The following AMOTL1 variants were observed in gnomAD, a reference collection of about 807,000 sequenced individuals.
AMOTL1 encodes angiomotin-like protein 1.
In AMOTL1, 45 loss-of-function variants were observed where a neutral mutation model predicts 102.9. That is an observed-to-expected ratio of 0.44 (90% CI 0.34 to 0.56). The LOEUF (loss-of-function observed/expected upper bound fraction) is 0.56. AMOTL1 is among the 20% of genes least tolerant of loss of function. The probability of loss-of-function intolerance (pLI) is 0.01; values close to 1 mark genes in which losing one functional copy is unlikely to be tolerated. For missense variants in AMOTL1, 1,114 were observed against 1,225.6 expected (o/e 0.91, Z 1.36); for synonymous variants, 481 against 484.7 (o/e 0.99, Z 0.10).
chr11:94,744,316 G>C lies in AMOTL1; in HGVS notation c.136+3328G>C, dbSNP rs1950564421. Among the ~76,000 whole-genome samples, 4 of 152,338 alleles carry C rather than the reference G, an allele frequency of 2.6e-5. No individual in the cohort carries two copies. The South Asian group carries it at 8.3e-4, about 32-fold the overall frequency. On this transcript the variant is annotated intron_variant, in intron 3 of 4. Transcript: ENST00000299004. ...TTATTTTAAAGGATATAAATGAACA[G>C]CTGGATGAGGAGATGCAAAAGGTGA...
At chr11:94,788,969 C>T (rs1951237637) in intron 1 of AMOTL1, among the ~76,000 whole-genome samples, 1 of 152,074 alleles carries the variant, frequency 6.6e-6, no homozygotes, top group African/African-American at 2.4e-5. Flanking sequence ...GTTTAGAATT[C>T]AAGTTTGATG....
intron 6 of AMOTL1, among the ~76,000 whole-genome samples, chr11:94,834,524 G>A (rs1412079539): frequency 6.6e-6 from 1 of 152,076 alleles, no homozygotes; most frequent in Non-Finnish European, 1.5e-5. Context: ...CCCGGGAGGC[G>A]GGGCTTGCAG....
chr11:94,713,207 T>C (rs1199660133), intron 1 of AMOTL1, among the ~76,000 whole-genome samples: 1 of 151,880 alleles, frequency 6.6e-6, no homozygotes, highest in Non-Finnish European at 1.5e-5. Flanking sequence ...TTCTCTTCCA[T>C]TGATGTGCCT....
chr11:94,830,343 G>A, intron 5 of AMOTL1, 149 bp downstream of exon 5: 1 of 764,808 alleles, frequency 1.3e-6, no homozygotes, highest in Non-Finnish European at 1.9e-6. Flanking sequence ...GGGGAAGGGA[G>A]GAGGTGCTCA....
intron 1 of AMOTL1, among the ~76,000 whole-genome samples, chr11:94,710,601 T>C (rs1350138714): frequency 6.6e-6 from 1 of 152,220 alleles, no homozygotes; most frequent in African/African-American, 2.4e-5. Flanking sequence ...GTACTAATGA[T>C]ACTTTGTTGC....
intron 1 of AMOTL1, among the ~76,000 whole-genome samples, chr11:94,788,495 C>T (rs1951229928): frequency 6.6e-6 from 1 of 152,196 alleles, no homozygotes; most frequent in Non-Finnish European, 1.5e-5. Context: ...CCTCATTTTC[C>T]CTCCGGTTCA....
At chr11:94,711,172 A>G (rs2135428141) in intron 1 of AMOTL1, among the ~76,000 whole-genome samples, 1 of 152,272 alleles carries the variant, frequency 6.6e-6, no homozygotes, top group South Asian at 2.1e-4. Context: ...TAATTTTAAT[A>G]TATGAATTGA....
intron 9 of AMOTL1, 29 bp from the exon 10 acceptor site, chr11:94,864,706 T>C: frequency 6.2e-7 from 1 of 1,605,960 alleles, no homozygotes; most frequent in Non-Finnish European, 8.5e-7. Flanking sequence ...AGGTTTCCTA[T>C]GATCAAACGC....
upstream of AMOTL1, chr11:94,768,276 G>A (rs1950881943): frequency 2.4e-6 from 3 of 1,241,506 alleles, no homozygotes; most frequent in Non-Finnish European, 3.0e-6. Context: ...GGCGGGGGTG[G>A]AGTGTAGGGT....
chr11:94,767,586 A>G (rs1471623104), upstream of AMOTL1, among the ~76,000 whole-genome samples: 1 of 152,168 alleles, frequency 6.6e-6, no homozygotes, highest in African/African-American at 2.4e-5. Context: ...AGCTGCCCGG[A>G]AAAAGCCAGG....
chr11:94,815,338 T>G (rs936633077), intron 3 of AMOTL1, among the ~76,000 whole-genome samples: 3 of 151,640 alleles, frequency 2.0e-5, no homozygotes, highest in African/African-American at 7.3e-5. Context: ...CCTGAGTTAT[T>G]GGCAAAAACA....
intron 1 of AMOTL1, among the ~76,000 whole-genome samples, chr11:94,769,922 A>T (rs1295508399): frequency 6.6e-6 from 1 of 152,210 alleles, no homozygotes; most frequent in East Asian, 1.9e-4. Context: ...CTTTCGGCTA[A>T]CCAAAGCAGT....
intron 1 of AMOTL1, among the ~76,000 whole-genome samples, chr11:94,716,846 T>C (rs940853191): frequency 3.3e-5 from 5 of 152,206 alleles, no homozygotes; most frequent in Admixed American, 2.6e-4. Context: ...CTTGCCAGCA[T>C]GTGTGGGGTG....
At chr11:94,754,834 G>A (rs573390424) in intron 3 of AMOTL1, among the ~76,000 whole-genome samples, 1 of 152,252 alleles carries the variant, frequency 6.6e-6, no homozygotes, top group Admixed American at 6.5e-5. Flanking sequence ...GTATAAGTAT[G>A]TCCACTACAA....
At chr11:94,815,472 CAATT>C (rs1951749287) in intron 3 of AMOTL1, among the ~76,000 whole-genome samples, 6 of 152,046 alleles carry the variant, frequency 3.9e-5, no homozygotes, top group South Asian at 2.1e-4. Context: ...GTTGAAAAAA[CAATT>C]AGTTAGATAA....
At chr11:94,747,095 TC>T (rs1284904433) in intron 3 of AMOTL1, among the ~76,000 whole-genome samples, 3 of 152,144 alleles carry the variant, frequency 2.0e-5, no homozygotes, top group Admixed American at 2.0e-4. Flanking sequence ...TTTTTATCTT[TC>T]TTAAAACTTG....
rs1463837411 is a variant in AMOTL1, at chr11:94,875,903, ATCAT to A, written c.*5113_*5116del. ...CATACACTACAGATATAAGTGCATA[ATCAT>A]TCATATAAACATCTGGTAGGTATTC... On this transcript the variant is annotated 3_prime_UTR_variant, in exon 13 of 13. Coordinates refer to ENST00000433060, the MANE Select transcript of AMOTL1 (RefSeq NM_130847.3). The A allele has an allele frequency of 6.6e-6, 1 of 152,616 alleles. No homozygotes were observed. Among genetic ancestry groups the A allele is most frequent in the African/African-American group, 2.4e-5 (1 of 41,450 alleles). The allele number at this position is 152,616 out of a possible 1,614,324, so 9.5% of individuals were successfully genotyped here.
intron 1 of AMOTL1, among the ~76,000 whole-genome samples, chr11:94,786,493 AG>A (rs1251801458): frequency 5.6e-4 from 85 of 152,324 alleles, no homozygotes; most frequent in African/African-American, 1.9e-3. Context: ...GTGGGGGCTG[AG>A]GAGGAGGGGA....
In AMOTL1 at chr11:94,758,836, C is replaced by T. The variant is rs76787498; in HGVS notation, c.136+17848C>T. On this transcript the variant is annotated intron_variant, in intron 3 of 4. Transcript: ENST00000299004. ...CTCACTCCTTAACTTGACAGCAAAG[C>T]CCAGTATGTACAACTGTGTTGACTG... is the stretch of plus-strand genomic sequence containing the variant. 6.3e-3 allele frequency among the ~76,000 whole-genome samples: 956 copies of T among 152,260 alleles called. 2 individuals carry two copies. The highest frequency in any genetic ancestry group is 0.011 in the Non-Finnish European group (748 of 68,014).
Sources: gnomAD v4.1 joint callset for allele counts (sites outside exome capture counted in the v4.1 genomes callset) on GRCh38, gnomAD v4.1.1 for gene constraint, MANE v1.5 for transcripts, NCBI Gene and HGNC (gene_info 2026-07-23, HGNC 2026-07-21) for gene names.